Variants in CLCN7 observed in about 807,000 individuals in gnomAD.
CLCN7 encodes H(+)/Cl(-) exchange transporter 7.
Under a neutral mutation model 102.1 loss-of-function variants are expected in CLCN7, and 60 were observed. The observed-to-expected ratio is 0.59, with a 90% CI of 0.48 to 0.73. The LOEUF is 0.73. Ranked by LOEUF, CLCN7 falls within the 30% of genes least tolerant of loss-of-function variation. The pLI is 0.00. For missense variants in CLCN7, 962 were observed against 1,125.7 expected (o/e 0.85, Z 2.08); for synonymous variants, 560 against 490.5 (o/e 1.14, Z -1.87).
chr16:1,468,656 C>T (rs539170012), intron 1 of CLCN7, among the ~76,000 whole-genome samples: 2 of 152,214 alleles, frequency 1.3e-5, no homozygotes, highest in East Asian at 1.9e-4. Flanking sequence ...AGGCGAGACT[C>T]GGGCCGGACG....
intron 18 of CLCN7, 44 bp from the exon 19 acceptor site, chr16:1,449,137 T>C: frequency 6.2e-7 from 1 of 1,610,930 alleles, no homozygotes; most frequent in East Asian, 2.2e-5. Context: ...CCCTCCTGGC[T>C]CAGGGTCACG....
At chr16:1,454,755 T>G (rs2038807587) in intron 12 of CLCN7, among the ~76,000 whole-genome samples, 1 of 152,172 alleles carries the variant, frequency 6.6e-6, no homozygotes, top group East Asian at 1.9e-4. Flanking sequence ...TCCCCCAGTT[T>G]CCTGCGCACA....
At position 1,450,680 on chromosome 16, in the gene CLCN7, G is replaced by A; in HGVS notation, c.1448-14C>T. ...GGTTGTAGGAGCCTAGGAGAGAAGA[G>A]GGGCTGACGGGGCCTCCACGACTCC... On this transcript the variant is annotated splice_polypyrimidine_tract_variant and intron_variant, in intron 16 of 24. Transcript: ENST00000382745. 1 of 1,558,446 alleles carries A rather than the reference G, an allele frequency of 6.4e-7. No homozygotes were observed. The highest frequency in any genetic ancestry group is 8.7e-7 in the Non-Finnish European group (1 of 1,145,458).
Position 1,474,934 on chromosome 16 carries a change from TCCCGGC to T in CLCN7, c.35_40del (p.Gly12_Arg13del). On this transcript the variant is annotated inframe_deletion, in exon 1 of 25. Coordinates refer to ENST00000382745, the MANE Select transcript of CLCN7 (RefSeq NM_001287.6). The stretch of plus-strand genomic sequence containing the variant: ...CGGCGCCGCCTCCTCGTCGTCCCGG[TCCCGGC>T]CGGACCAGGACACCTTCTTAGAGAC... 3 of 1,482,974 alleles carry T rather than the reference TCCCGGC, an allele frequency of 2.0e-6. No individual in the cohort carries two copies. The highest frequency in any genetic ancestry group is 2.7e-6 in the Non-Finnish European group (3 of 1,121,866). The allele number at this position is 1,482,974 out of a possible 1,614,324, so 91.9% of individuals were successfully genotyped here.
chr16:1,453,972 G>A (rs1191331511), intron 13 of CLCN7, 78 bp from the exon 14 acceptor site: 4 of 1,442,568 alleles, frequency 2.8e-6, no homozygotes, highest in Admixed American at 1.7e-5. Flanking sequence ...CAGATGGCAG[G>A]AGAAGCTGGA....
intron 21 of CLCN7, among the ~76,000 whole-genome samples, chr16:1,448,125 AG>A (rs1486246215): frequency 6.6e-6 from 1 of 152,132 alleles, no homozygotes; most frequent in Admixed American, 6.5e-5. Context: ...CACGGCTCTC[AG>A]CCCAGCCTGG....
In CLCN7 at chr16:1,474,913, G is replaced by A. The variant is rs1210753060; in HGVS notation, c.62C>T (p.Ala21Val). Residue 21 changes from alanine to valine, a missense_variant, in exon 1 of 25, where the codon GCG (alanine) becomes GTG (valine). Coordinates refer to ENST00000382745, the MANE Select transcript of CLCN7 (RefSeq NM_001287.6). ...CCGCGCCGTCCTCCGCAGCAGCGGCGCCGCCTCCTCGTCGTCCCGGTCCCG... is the reference window on the plus strand; with the variant it reads ...CCGCGCCGTCCTCCGCAGCAGCGGCACCGCCTCCTCGTCGTCCCGGTCCCG... ...SGRDRDDEEA[A>V]PLLRRTARPG... The A allele has an allele frequency of 1.4e-6, 2 of 1,468,120 alleles. No individual in the cohort carries two copies. Among genetic ancestry groups the A allele is most frequent in the Non-Finnish European group, 1.8e-6 (2 of 1,113,442 alleles). 90.9% of individuals were successfully genotyped at this position (1,468,120 alleles called of 1,614,324 possible).
In CLCN7 at chr16:1,465,297, G is replaced by A. The variant is rs1479417929; in HGVS notation, c.183C>T (p.Ser61=). ...CCAAAAGTTCATCATCCAGCTCCAC[G>A]CTGCTCATATGTCCGACTCGGAAAA... The part of the protein sequence containing the change: ...SALFRVGHMS[S]VELDDELLDP... Residue 61 remains serine (S), a synonymous_variant, in exon 2 of 25, where the codon AGC becomes AGT. Coordinates refer to ENST00000382745, the MANE Select transcript of CLCN7 (RefSeq NM_001287.6). 5.6e-6 allele frequency: 9 copies of A among 1,613,728 alleles called. No individual in the cohort carries two copies. The highest frequency in any genetic ancestry group is 2.2e-5 in the South Asian group (2 of 91,030).
intron 17 of CLCN7, chr16:1,450,295 G>A (rs1199355806): frequency 1.3e-5 from 7 of 551,320 alleles, no homozygotes; most frequent in Non-Finnish European, 2.4e-5. Flanking sequence ...CCACACATGG[G>A]CTGCGCTGCC....
chr16:1,450,600 T>C lies in CLCN7; in HGVS notation c.1514A>G (p.Tyr505Cys), dbSNP rs766003053. ...GACCCCGGCAGACACCGTGAGCCCG[T>C]AGGTCCAGCAGGCCAGGAAGAAGTA... ...LVYFFLACWT[Y>C]GLTVSAGVFI... The change falls in exon 17 of 25, where the codon TAC becomes TGC. Residue 505 changes from tyrosine to cysteine, a missense_variant. Coordinates refer to ENST00000382745, the MANE Select transcript of CLCN7 (RefSeq NM_001287.6). The C allele has an allele frequency of 2.5e-6, 4 of 1,612,518 alleles. No homozygotes were observed. The South Asian group carries it at 3.3e-5, about 13-fold the overall frequency.
At chr16:1,474,670 C>T (rs972817500) in intron 1 of CLCN7, among the ~76,000 whole-genome samples, 164 bp downstream of exon 1, 2 of 152,000 alleles carry the variant, frequency 1.3e-5, no homozygotes, top group African/African-American at 2.4e-5. Context: ...GGCGCCCCCG[C>T]CAGCCCGGCC....
chr16:1,448,770 C>T lies in CLCN7; in HGVS notation c.1798-4G>A, dbSNP rs200599947. On this transcript the variant is annotated splice_region_variant and splice_polypyrimidine_tract_variant and intron_variant, in intron 19 of 24. Coordinates refer to ENST00000382745, the MANE Select transcript of CLCN7 (RefSeq NM_001287.6). ...GAATGTGCATGTCGTACAGGCCCTG[C>T]GGGCGGGGCGGGAACACAGGGCTTG... The T allele has an allele frequency of 5.3e-5, 85 of 1,610,520 alleles. No individual in the cohort carries two copies. Among genetic ancestry groups the T allele is most frequent in the African/African-American group, 1.3e-4 (10 of 75,020 alleles).
rs765066490 is a variant in CLCN7, at chr16:1,460,488, G to C, written c.524C>G (p.Ser175Cys). The C allele has an allele frequency of 1.2e-6, 2 of 1,613,810 alleles. No individual in the cohort carries two copies. The highest frequency in any genetic ancestry group is 1.7e-6 in the Non-Finnish European group (2 of 1,179,980). Residue 175 changes from serine to cysteine, a missense_variant, in exon 6 of 25, where the codon TCC becomes TGC. Physicochemically the swap from Ser to Cys is moderately radical, Grantham distance 112. Coordinates refer to ENST00000382745, the MANE Select transcript of CLCN7 (RefSeq NM_001287.6). ...KFTEKGGLSF[S>C]LLLWATLNAA... ...GTTCAGCGTGGCCCACAGCAACAGG[G>C]AGAAGGACAGTCCGCCCTTCTCTGT...
intron 1 of CLCN7, among the ~76,000 whole-genome samples, chr16:1,473,337 T>C (rs566118016): frequency 3.2e-4 from 48 of 149,904 alleles, no homozygotes; most frequent in Non-Finnish European, 2.5e-4. Context: ...GTAGGTTCTA[T>C]GGAAACAGGC....
At chr16:1,455,436 C>T (rs374081347) in intron 11 of CLCN7, 186 bp from the exon 12 acceptor site, 43 of 660,908 alleles carry the variant, frequency 6.5e-5, no homozygotes, top group Middle Eastern at 4.0e-4. Flanking sequence ...AGCGGCCCAG[C>T]CCTCTCTGGA....
At chr16:1,459,746 T>G (rs1204179150) in intron 6 of CLCN7, among the ~76,000 whole-genome samples, 34 of 20,790 alleles carry the variant, frequency 1.6e-3, no homozygotes, top group East Asian at 4.1e-3. Flanking sequence ...CAGCACACAC[T>G]TCGGGGCCCC....
At chr16:1,449,492 T>C (rs1219328266) in intron 17 of CLCN7, 165 bp from the exon 18 acceptor site, 14 of 654,676 alleles carry the variant, frequency 2.1e-5, no homozygotes, top group Non-Finnish European at 3.5e-5. Context: ...TACACCCTGC[T>C]GCGGAGGCTG....
chr16:1,452,099 C>T (rs1010656085), intron 15 of CLCN7: 2 of 327,546 alleles, frequency 6.1e-6, no homozygotes, highest in African/African-American at 2.1e-5. Flanking sequence ...CCCAGAGCCT[C>T]CTGGGCTCCA....
intron 1 of CLCN7, among the ~76,000 whole-genome samples, chr16:1,468,197 C>T (rs992604924): frequency 2.9e-4 from 44 of 152,350 alleles, no homozygotes; most frequent in Admixed American, 4.6e-4. Flanking sequence ...CAGCACTGTC[C>T]CACAGCAGCA....
Sources: allele counts gnomAD v4.1 joint callset (sites outside exome capture counted in the v4.1 genomes callset), GRCh38; gene constraint gnomAD v4.1.1; transcripts MANE v1.5; gene names NCBI Gene and HGNC (gene_info 2026-07-23, HGNC 2026-07-21).